Variants in SPON1 observed in about 807,000 individuals in gnomAD.
SPON1 encodes spondin 1.
SPON1 carries 52 observed loss-of-function variants against 111.7 expected under a neutral mutation model. That is an observed-to-expected ratio of 0.47 (90% CI 0.37 to 0.59). The LOEUF (loss-of-function observed/expected upper bound fraction) is 0.59. Among genes scored for constraint, SPON1 ranks in the 20% least tolerant of loss-of-function variants. The probability of loss-of-function intolerance (pLI) is 0.00; values close to 1 mark genes in which losing one functional copy is unlikely to be tolerated. For missense variants in SPON1, 957 were observed against 1,068.5 expected (o/e 0.90, Z 1.46); for synonymous variants, 410 against 395.8 (o/e 1.04, Z -0.43).
chr11:14,103,732 C>A (rs1169447180), intron 5 of SPON1, among the ~76,000 whole-genome samples: 1 of 152,166 alleles, frequency 6.6e-6, no homozygotes, highest in East Asian at 1.9e-4. Flanking sequence ...ACAGCAATAA[C>A]ATTTCAGGGT....
At chr11:14,160,909 A>ATATATATT (rs1356534738) in intron 6 of SPON1, among the ~76,000 whole-genome samples, 3 of 55,416 alleles carry the variant, frequency 5.4e-5, no homozygotes, top group Non-Finnish European at 8.8e-5. Flanking sequence ...ATATATTTAT[A>ATATATATT]TATATATTTA....
At chr11:14,132,119 A>T (rs1348739327) in intron 5 of SPON1, among the ~76,000 whole-genome samples, 1 of 152,172 alleles carries the variant, frequency 6.6e-6, no homozygotes, top group Non-Finnish European at 1.5e-5. Flanking sequence ...TCTACTAACA[A>T]TACAAAAAAT....
intron 2 of SPON1, among the ~76,000 whole-genome samples, chr11:13,991,947 G>T (rs781838731): frequency 6.6e-6 from 1 of 152,174 alleles, no homozygotes; most frequent in Non-Finnish European, 1.5e-5. Context: ...ATCCTAGAGG[G>T]GCACCTGCCA....
intron 6 of SPON1, among the ~76,000 whole-genome samples, chr11:14,241,416 G>A (rs1848925081): frequency 6.6e-6 from 1 of 152,186 alleles, no homozygotes; most frequent in Admixed American, 6.5e-5. Context: ...AGCAAGTGGA[G>A]GATGAATTGG....
intron 7 of SPON1, 142 bp downstream of exon 7, chr11:14,243,538 G>A: frequency 1.4e-6 from 1 of 725,638 alleles, no homozygotes; most frequent in East Asian, 2.7e-5. Flanking sequence ...TGCTTTCTAT[G>A]TGCAGAGCAT....
intron 2 of SPON1, among the ~76,000 whole-genome samples, chr11:14,041,194 T>C (rs1848628430): frequency 6.6e-6 from 1 of 152,152 alleles, no homozygotes; most frequent in Admixed American, 6.5e-5. Flanking sequence ...CCCTCCCCCA[T>C]CCTCCTTCTT....
chr11:14,032,486 G>A (rs1203446438), intron 2 of SPON1, among the ~76,000 whole-genome samples: 1 of 152,158 alleles, frequency 6.6e-6, no homozygotes, highest in Non-Finnish European at 1.5e-5. Flanking sequence ...GGAGAGGGGT[G>A]CACGGCACAC....
At chr11:14,163,669 G>A (rs969628887) in intron 6 of SPON1, among the ~76,000 whole-genome samples, 3 of 152,156 alleles carry the variant, frequency 2.0e-5, no homozygotes, top group African/African-American at 7.2e-5. Flanking sequence ...GAGACATGGG[G>A]TGAGAGAAAT....
chr11:14,073,576 C>T (rs548568402), intron 3 of SPON1, among the ~76,000 whole-genome samples: 116 of 152,302 alleles, frequency 7.6e-4, no homozygotes, highest in Non-Finnish European at 1.4e-3. Flanking sequence ...TCCTAGTTTG[C>T]TCTTTCAAAC....
At chr11:14,100,903 A>G (rs1849138276) in intron 5 of SPON1, among the ~76,000 whole-genome samples, 1 of 152,214 alleles carries the variant, frequency 6.6e-6, no homozygotes, top group Non-Finnish European at 1.5e-5. Context: ...TTTGTTTTCC[A>G]TTGTCCAGTG....
chr11:13,983,010 G>A, intron 2 of SPON1, 57 bp downstream of exon 2: 1 of 1,236,428 alleles, frequency 8.1e-7, no homozygotes, highest in Non-Finnish European at 1.2e-6. Context: ...GGTAGAGGCT[G>A]GAGAGGTACA....
At chr11:13,975,635 A>G (rs1054598756) in intron 1 of SPON1, among the ~76,000 whole-genome samples, 1 of 152,182 alleles carries the variant, frequency 6.6e-6, no homozygotes, top group African/African-American at 2.4e-5. Flanking sequence ...AGGTCCTCAC[A>G]GGGCACTCTG....
chr11:14,263,070 A>C, intron 15 of SPON1, 95 bp downstream of exon 15: 2 of 1,368,022 alleles, frequency 1.5e-6, no homozygotes, highest in Non-Finnish European at 1.9e-6. Context: ...AAAAAAAAAA[A>C]AAAAGTCGGG....
chr11:13,997,134 T>A (rs187656931), intron 2 of SPON1, among the ~76,000 whole-genome samples: 1 of 152,200 alleles, frequency 6.6e-6, no homozygotes, highest in East Asian at 1.9e-4. Flanking sequence ...TATGCACACA[T>A]GTATATGTAT....
chr11:14,018,560 G>A (rs1411485205), intron 2 of SPON1, among the ~76,000 whole-genome samples: 1 of 152,176 alleles, frequency 6.6e-6, no homozygotes, highest in East Asian at 1.9e-4. Flanking sequence ...TGGGAATGTG[G>A]AGTTGACATG....
chr11:14,062,713 C>T (rs1410808422), intron 3 of SPON1, among the ~76,000 whole-genome samples: 2 of 152,200 alleles, frequency 1.3e-5, no homozygotes, highest in African/African-American at 4.8e-5. Flanking sequence ...GATAAGAATT[C>T]TGCTAGTTGA....
intron 4 of SPON1, among the ~76,000 whole-genome samples, chr11:14,077,517 C>T (rs969641826): frequency 3.3e-5 from 5 of 151,966 alleles, no homozygotes; most frequent in African/African-American, 1.2e-4. Context: ...ACTGCAACCT[C>T]CAACCCCCGG....
chr11:14,002,352 T>C (rs1848325873), intron 2 of SPON1, among the ~76,000 whole-genome samples: 2 of 152,076 alleles, frequency 1.3e-5, no homozygotes, highest in Non-Finnish European at 2.9e-5. Context: ...CTGCGGACCC[T>C]GCATCTTTTA....
At chr11:14,118,372 T>C (rs1170562462) in intron 5 of SPON1, among the ~76,000 whole-genome samples, 2 of 152,192 alleles carry the variant, frequency 1.3e-5, no homozygotes, top group Admixed American at 6.5e-5. Flanking sequence ...CACCTTTAAA[T>C]AATGCTCTTT....
Sources: gnomAD v4.1 joint callset for allele counts (sites outside exome capture counted in the v4.1 genomes callset) on GRCh38, gnomAD v4.1.1 for gene constraint, MANE v1.5 for transcripts, NCBI Gene and HGNC (gene_info 2026-07-23, HGNC 2026-07-21) for gene names.